VWC2: variants seen among roughly 807,000 people sequenced by gnomAD.
VWC2 encodes von Willebrand factor C domain containing 2, also known as brorin.
VWC2 carries 14 observed loss-of-function variants against 29.8 expected under a neutral mutation model. That is an observed-to-expected ratio of 0.47 (90% CI 0.31 to 0.74). VWC2 has a LOEUF of 0.74. Ranked by LOEUF, VWC2 falls within the 30% of genes least tolerant of loss-of-function variation. VWC2 has a pLI of 0.05. For synonymous variants in VWC2, 213 were observed against 199.0 expected (o/e 1.07, Z -0.59); for missense variants, 457 against 459.8 (o/e 0.99, Z 0.05).
chr7:49,909,472 A>G (rs959761229), intron 3 of VWC2, among the ~76,000 whole-genome samples: 1 of 152,140 alleles, frequency 6.6e-6, no homozygotes, highest in African/African-American at 2.4e-5. Context: ...GGAGGCAGCA[A>G]ACTGTGGAGG....
At chr7:49,809,783 C>T (rs967266129) in intron 3 of VWC2, among the ~76,000 whole-genome samples, 3 of 151,906 alleles carry the variant, frequency 2.0e-5, no homozygotes, top group Non-Finnish European at 4.4e-5. Context: ...CACATATGAT[C>T]TCAACAGATG....
chr7:49,838,111 G>C (rs1052766334), intron 3 of VWC2, among the ~76,000 whole-genome samples: 1 of 152,198 alleles, frequency 6.6e-6, no homozygotes, highest in East Asian at 1.9e-4. Flanking sequence ...TAGCTAGGGG[G>C]ACAGAGGACT....
intron 3 of VWC2, among the ~76,000 whole-genome samples, chr7:49,810,020 A>C (rs1788969839): frequency 6.6e-6 from 1 of 151,988 alleles, no homozygotes; most frequent in South Asian, 2.1e-4. Flanking sequence ...TACAGAGAGA[A>C]AGAGAAGGCA....
rs1003144603 is a variant in VWC2, at chr7:49,913,316, C to T, written c.*1131C>T. ...ATTCCAAACCAACTTCTTTTCTCTT[C>T]ATTTGAACAGAGAACATAAAAAGCC... is the stretch of plus-strand genomic sequence containing the variant. On this transcript the variant is annotated 3_prime_UTR_variant, in exon 4 of 4. Coordinates refer to ENST00000340652, the MANE Select transcript of VWC2 (RefSeq NM_198570.5). 2.0e-5 allele frequency: 3 copies of T among 152,154 alleles called. No homozygotes were observed. The highest frequency in any genetic ancestry group is 4.1e-4 in the South Asian group (2 of 4,828). 9.4% of individuals were successfully genotyped at this position (152,154 alleles called of 1,614,324 possible).
At position 49,877,117 on chromosome 7, in the gene VWC2, A is replaced by C. The variant is rs376294389; in HGVS notation, c.827-34917A>C. Among the ~76,000 whole-genome samples, 4 of 152,188 alleles carry C rather than the reference A, an allele frequency of 2.6e-5. No homozygotes were observed. In the East Asian group the frequency reaches 7.8e-4, roughly 30 times the overall value. On this transcript the variant is annotated intron_variant, in intron 3 of 3. Transcript: ENST00000340652. Reference sequence around the variant, plus strand: ...TGGTGTGAGAATCAAGTGAGAAAATACATTGGAAGACACGTATCTCTTTCC... The same window carrying C: ...TGGTGTGAGAATCAAGTGAGAAAATCCATTGGAAGACACGTATCTCTTTCC...
chr7:49,903,719 G>A (rs888519096), intron 3 of VWC2, among the ~76,000 whole-genome samples: 6 of 152,162 alleles, frequency 3.9e-5, no homozygotes, highest in East Asian at 1.9e-4. Flanking sequence ...AAGTGGCTAC[G>A]TTGTCTGGGG....
chr7:49,812,496 A>G (rs1789037430), intron 3 of VWC2, among the ~76,000 whole-genome samples: 1 of 152,162 alleles, frequency 6.6e-6, no homozygotes, highest in Admixed American at 6.5e-5. Flanking sequence ...TTCCTTCTTA[A>G]GCCTACTGAA....
At position 49,873,333 on chromosome 7, in the gene VWC2, C is replaced by T. The variant is rs541814837; in HGVS notation, c.827-38701C>T. Among the ~76,000 whole-genome samples, 6 of 152,246 alleles carry T rather than the reference C, an allele frequency of 3.9e-5. No homozygotes were observed. In the South Asian group the frequency reaches 1.2e-3, roughly 32 times the overall value. On this transcript the variant is annotated intron_variant, in intron 3 of 3. Transcript: ENST00000340652. ...CCTGGTTCATGGATGGCCCCTTCTC[C>T]CTATGTCCACCTTGTAATGGAGGGA...
At chr7:49,778,496 G>C (rs1244551823) in intron 2 of VWC2, among the ~76,000 whole-genome samples, 1 of 152,196 alleles carries the variant, frequency 6.6e-6, no homozygotes, top group African/African-American at 2.4e-5. Context: ...AGATTTTATA[G>C]TGTTAGAGCA....
chr7:49,793,350 G>C (rs188341456), intron 2 of VWC2, among the ~76,000 whole-genome samples: 1 of 149,938 alleles, frequency 6.7e-6, no homozygotes. Context: ...TTTTTTTAAT[G>C]AAATTGAAGT....
At chr7:49,784,422 C>G (rs1788249704) in intron 2 of VWC2, among the ~76,000 whole-genome samples, 1 of 152,236 alleles carries the variant, frequency 6.6e-6, no homozygotes, top group African/African-American at 2.4e-5. Context: ...CAAAGTCTGC[C>G]TTGAAGTTGT....
rs1169480763 is a variant in VWC2 at position 49,877,462 on chromosome 7, CAA to C, written c.827-34553_827-34552del. On this transcript the variant is annotated intron_variant, in intron 3 of 3. Coordinates refer to ENST00000340652, the MANE Select transcript of VWC2 (RefSeq NM_198570.5). ...GGGCAACAAGTAAGAAACTCTGTCT[CAA>C]AAAAAAAAAAAAAAAAAATATATAT... is the stretch of plus-strand genomic sequence containing the variant. 9.2e-3 allele frequency among the ~76,000 whole-genome samples: 65 copies of C among 7,034 alleles called. 2 individuals carry two copies. Among genetic ancestry groups the C allele is most frequent in the East Asian group, 0.022 (2 of 90 alleles). 4.6% of individuals were successfully genotyped at this position (7,034 alleles called of 152,430 possible). A position where few individuals can be genotyped will look rare whatever the true frequency, so the allele number is the denominator to read the frequency against.
chr7:49,843,464 C>T (rs1176146000), intron 3 of VWC2, among the ~76,000 whole-genome samples: 1 of 152,112 alleles, frequency 6.6e-6, no homozygotes, highest in Non-Finnish European at 1.5e-5. Flanking sequence ...AAGGGTCTAC[C>T]ATTAATGAGT....
intron 3 of VWC2, among the ~76,000 whole-genome samples, chr7:49,834,524 T>A (rs1312250997): frequency 6.6e-6 from 1 of 152,216 alleles, no homozygotes; most frequent in East Asian, 1.9e-4. Flanking sequence ...AGTGTCAGTC[T>A]GTATTATATG....
At chr7:49,795,659 T>C (rs999517906) in intron 2 of VWC2, among the ~76,000 whole-genome samples, 1 of 152,262 alleles carries the variant, frequency 6.6e-6, no homozygotes, top group African/African-American at 2.4e-5. Context: ...CAATTGTTAC[T>C]ATAGCAAAGT....
chr7:49,912,385 G>A lies in VWC2; in HGVS notation c.*200G>A. 1 of 510,274 alleles carries A rather than the reference G, an allele frequency of 2.0e-6. No individual in the cohort carries two copies. The highest frequency in any genetic ancestry group is 3.2e-5 in the South Asian group (1 of 30,812). 31.6% of individuals were successfully genotyped at this position (510,274 alleles called of 1,614,324 possible). The stretch of plus-strand genomic sequence containing the variant: ...TTTCAAAACATCAACAAGAACTTTG[G>A]GCATAAAATCCTTCTCTAAATAAAT... On this transcript the variant is annotated 3_prime_UTR_variant, in exon 4 of 4. Transcript: ENST00000340652.
At chr7:49,902,615 A>G (rs904093454) in intron 3 of VWC2, among the ~76,000 whole-genome samples, 3 of 151,816 alleles carry the variant, frequency 2.0e-5, no homozygotes, top group Non-Finnish European at 2.9e-5. Context: ...TTTATCTCAG[A>G]ATGGATCATA....
intron 3 of VWC2, among the ~76,000 whole-genome samples, chr7:49,866,902 C>A (rs566824708): frequency 1.3e-5 from 2 of 152,334 alleles, no homozygotes; most frequent in African/African-American, 4.8e-5. Flanking sequence ...TCCATTGGAG[C>A]AGCAGCACAG....
chr7:49,806,939 A>G (rs1235530811), intron 3 of VWC2, among the ~76,000 whole-genome samples: 2 of 152,194 alleles, frequency 1.3e-5, no homozygotes, highest in Non-Finnish European at 2.9e-5. Context: ...ATCAAAATGA[A>G]CAGTTGATTT....
Sources: allele counts gnomAD v4.1 joint callset (sites outside exome capture counted in the v4.1 genomes callset), GRCh38; gene constraint gnomAD v4.1.1; transcripts MANE v1.5; gene names NCBI Gene and HGNC (gene_info 2026-07-23, HGNC 2026-07-21).